Variants in MYH8 observed in about 807,000 individuals in gnomAD.
MYH8 encodes the protein myosin-8.
MYH8 carries 168 observed loss-of-function variants against 233.2 expected under a neutral mutation model. The observed-to-expected ratio is 0.72, with a 90% confidence interval of 0.64 to 0.82. The LOEUF (loss-of-function observed/expected upper bound fraction) is 0.82, where lower values mean the gene tolerates loss of function less well. Among genes scored for constraint, MYH8 ranks in the 40% least tolerant of loss-of-function variants. The probability of loss-of-function intolerance (pLI) is 0.00; values close to 1 mark genes in which losing one functional copy is unlikely to be tolerated. For synonymous variants in MYH8, 785 were observed against 850.6 expected (o/e 0.92, Z 1.34); for missense variants, 1,995 against 2,327.8 (o/e 0.86, Z 2.94).
intron 22 of MYH8, among the ~76,000 whole-genome samples, chr17:10,402,630 C>G (rs529592638): frequency 6.7e-6 from 1 of 149,598 alleles, no homozygotes; most frequent in Non-Finnish European, 1.5e-5. Context: ...CACATGTGCA[C>G]GCACACACAC....
Position 10,393,096 on chromosome 17 carries a change from C to A in MYH8, c.5281G>T (p.Ala1761Ser). 2 of 1,614,196 alleles carry A rather than the reference C, an allele frequency of 1.2e-6. No homozygotes were observed. The highest frequency in any genetic ancestry group is 8.5e-7 in the Non-Finnish European group (1 of 1,180,050). ...AATGTTCATCTTACATCAGTGATGG[C>A]CTTCTTGGCTTTCTCTTCTGCATTG... Reference protein sequence around the residue: ...SRNAEEKAKKAITDAAMMAEE... With the variant: ...SRNAEEKAKKSITDAAMMAEE... The change falls in exon 36 of 40, where the codon GCC becomes TCC. Residue 1761 changes from alanine to serine, a missense_variant. Coordinates refer to ENST00000403437, the MANE Select transcript of MYH8 (RefSeq NM_002472.3).
intron 12 of MYH8, among the ~76,000 whole-genome samples, chr17:10,413,136 A>T (rs1002407177): frequency 6.6e-6 from 1 of 152,214 alleles, no homozygotes; most frequent in Non-Finnish European, 1.5e-5. Flanking sequence ...CTCCCTATTA[A>T]ACCTTGCTGG....
At chr17:10,399,091 A>G (rs887820802) in intron 28 of MYH8, among the ~76,000 whole-genome samples, 1 of 151,252 alleles carries the variant, frequency 6.6e-6, no homozygotes, top group Non-Finnish European at 1.5e-5. Context: ...GTTTGATTTT[A>G]GAATATTTGC....
At chr17:10,393,380 C>T (rs895781250) in intron 35 of MYH8, among the ~76,000 whole-genome samples, 170 bp from the exon 36 acceptor site, 14 of 152,184 alleles carry the variant, frequency 9.2e-5, no homozygotes, top group Non-Finnish European at 2.1e-4. Context: ...GAACTCCTTT[C>T]CCCCAACTTC....
intron 39 of MYH8, 75 bp downstream of exon 39, chr17:10,391,807 T>C (rs1013835271): frequency 1.0e-5 from 11 of 1,079,584 alleles, no homozygotes; most frequent in Non-Finnish European, 1.4e-5. Context: ...TTCTTCCTTA[T>C]TGACGCATTC....
chr17:10,398,819 T>A lies in MYH8; in HGVS notation c.3930A>T (p.Ala1310=). The part of the protein sequence containing the change: ...LVSQLSRSKQ[A]STQQIEELKH... ...TCAGCTCTTCAATCTGCTGAGTAGA[T>A]GCTTGCTTGCTCCTTGAAAGCTGAG... Residue 1310 remains alanine, a synonymous_variant, in exon 29 of 40, where the codon GCA becomes GCT. Transcript: ENST00000403437. 1 of 1,614,036 alleles carries A rather than the reference T, an allele frequency of 6.2e-7. No homozygotes were observed. The highest frequency in any genetic ancestry group is 8.5e-7 in the Non-Finnish European group (1 of 1,180,026).
intron 17 of MYH8, among the ~76,000 whole-genome samples, chr17:10,407,327 C>CT (rs1339506273): frequency 6.6e-6 from 1 of 152,180 alleles, no homozygotes; most frequent in East Asian, 1.9e-4. Flanking sequence ...AACTGCCTGA[C>CT]TGTATAAAAT....
chr17:10,410,675 A>G, intron 15 of MYH8, 102 bp downstream of exon 15: 3 of 1,569,020 alleles, frequency 1.9e-6, no homozygotes, highest in South Asian at 1.1e-5. Flanking sequence ...CAGTTTGTTC[A>G]GATCACAAAC....
At chr17:10,413,674 T>G (rs961976884) in intron 12 of MYH8, among the ~76,000 whole-genome samples, 4 of 152,158 alleles carry the variant, frequency 2.6e-5, no homozygotes, top group African/African-American at 7.2e-5. Flanking sequence ...AGTTTGTGCT[T>G]ATAAGTGGCT....
In MYH8 at chr17:10,396,779, T is replaced by A. The variant is rs2072082756; in HGVS notation, c.4362+24A>T. On this transcript the variant is annotated intron_variant, in intron 31 of 39. Coordinates refer to ENST00000403437, the MANE Select transcript of MYH8 (RefSeq NM_002472.3). This position sits in a 1 kb window ranked among gnomAD's most constrained non-coding sequence, Gnocchi z 4.2. ...AAAGGAAGACCGAGTAAAACACTCT[T>A]AAAGTTTAAGCAGTCTGGGCCACCT... 6.2e-7 allele frequency: 1 copy of A among 1,614,110 alleles called. No homozygotes were observed. The highest frequency in any genetic ancestry group is 8.5e-7 in the Non-Finnish European group (1 of 1,180,040).
chr17:10,418,540 T>G (rs931395476), intron 5 of MYH8, 105 bp downstream of exon 5: 1 of 1,597,784 alleles, frequency 6.3e-7, no homozygotes, highest in Non-Finnish European at 8.6e-7. Context: ...AAGCCCCATG[T>G]GGCTAGAATG....
At chr17:10,413,802 C>T in intron 12 of MYH8, 100 bp downstream of exon 12, 1 of 1,566,662 alleles carries the variant, frequency 6.4e-7, no homozygotes, top group Non-Finnish European at 8.8e-7. Context: ...ATGCCCTTCA[C>T]AAGTCGCAAG....
chr17:10,420,160 T>G lies in MYH8; in HGVS notation c.68A>C (p.Glu23Ala), dbSNP rs1230813182. ...GTTTTGGGCCTCAATCCGCTCCTTT[T>G]CTGATTTTCGAAGGTAGGGAGCAGC... ...GEAAPYLRKS[E>A]KERIEAQNKP... The change falls in exon 3 of 40, where the codon GAA becomes GCA. Residue 23 changes from glutamate (E) to alanine (A), a missense_variant. Physicochemically the swap from Glu to Ala is moderately radical, Grantham distance 107 (BLOSUM62 -1). Transcript: ENST00000403437. 6.2e-7 allele frequency: 1 copy of G among 1,614,036 alleles called. No individual in the cohort carries two copies. Among genetic ancestry groups the G allele is most frequent in the Non-Finnish European group, 8.5e-7 (1 of 1,180,048 alleles).
At position 10,393,991 on chromosome 17, in the gene MYH8, C is replaced by CTTTTTT. The variant is rs35512526; in HGVS notation, c.5166+252_5166+257dup. On this transcript the variant is annotated intron_variant, in intron 35 of 39. Transcript: ENST00000403437. ...TTATTTTTAAATAAAAAAGTAATAG[C>CTTTTTT]TTTTTTTTTTTTTTTTTTTTTTTTT... is the stretch of plus-strand genomic sequence containing the variant. Among the ~76,000 whole-genome samples the CTTTTTT allele has an allele frequency of 6.0e-3, 215 of 36,008 alleles. 35 individuals carry two copies. Among genetic ancestry groups the CTTTTTT allele is most frequent in the African/African-American group, 0.019 (153 of 8,020 alleles). The allele number at this position is 36,008 out of a possible 152,430, so 23.6% of individuals were successfully genotyped here.
chr17:10,420,380 C>A (rs1310490618), intron 2 of MYH8, 123 bp from the exon 3 acceptor site: 2 of 869,580 alleles, frequency 2.3e-6, no homozygotes, highest in African/African-American at 1.7e-5. Flanking sequence ...CAAACTGGCA[C>A]TCCCCAGTGT....
At position 10,417,011 on chromosome 17, in the gene MYH8, G is replaced by A. The variant is rs1485439822; in HGVS notation, c.512-1303C>T. 5.9e-5 allele frequency among the ~76,000 whole-genome samples: 9 copies of A among 152,152 alleles called. No individual in the cohort carries two copies. The highest frequency in any genetic ancestry group is 1.3e-4 in the Non-Finnish European group (9 of 68,020). ...TAATATTAAGTACATAGCTAGTTAAGGTCAAATATATCCTCCTGGCCTCTT... is the reference window on the plus strand; with the variant it reads ...TAATATTAAGTACATAGCTAGTTAAAGTCAAATATATCCTCCTGGCCTCTT... On this transcript the variant is annotated intron_variant, in intron 5 of 39. Coordinates refer to ENST00000403437, the MANE Select transcript of MYH8 (RefSeq NM_002472.3). This position sits in a 1 kb window ranked among gnomAD's most constrained non-coding sequence, Gnocchi z 4.1.
In MYH8 at chr17:10,419,279, A is replaced by G. The variant is rs1266420873; in HGVS notation, c.211-249T>C. On this transcript the variant is annotated intron_variant, in intron 3 of 39. Transcript: ENST00000403437. This position sits in a 1 kb window ranked among gnomAD's most constrained non-coding sequence, Gnocchi z 4.0. The stretch of plus-strand genomic sequence containing the variant: ...CGCCATGTTGGCCAGGCTGGTCTCG[A>G]ACTCCTGATCTCAGGTGATCCACCT... Among the ~76,000 whole-genome samples, 1 of 152,092 alleles carries G rather than the reference A, an allele frequency of 6.6e-6. No homozygotes were observed. The highest frequency in any genetic ancestry group is 1.5e-5 in the Non-Finnish European group (1 of 68,018).
At chr17:10,411,756 G>A (rs911743946) in intron 14 of MYH8, among the ~76,000 whole-genome samples, 1 of 152,138 alleles carries the variant, frequency 6.6e-6, no homozygotes, top group African/African-American at 2.4e-5. Context: ...ATTTATATCA[G>A]ACATTTAGCA....
In MYH8 at chr17:10,410,918, G is replaced by A. The variant is rs184791206; in HGVS notation, c.1446C>T (p.Asn482=). The part of the protein sequence containing the change: ...DFNSLEQLCI[N]FTNEKLQQFF... ...ACTGTTGCAGTTTCTCGTTGGTGAA[G>A]TTGATGCACAGCTGCTCCAGGCTGT... Residue 482 remains asparagine (N), a synonymous_variant, in exon 15 of 40, where the codon AAC becomes AAT. Transcript: ENST00000403437. 6.2e-7 allele frequency: 1 copy of A among 1,614,086 alleles called. No individual in the cohort carries two copies. Among genetic ancestry groups the A allele is most frequent in the African/African-American group, 1.3e-5 (1 of 75,020 alleles).
Sources: allele counts gnomAD v4.1 joint callset (sites outside exome capture counted in the v4.1 genomes callset), GRCh38; gene constraint gnomAD v4.1.1; non-coding constraint Gnocchi (gnomAD v3.1); transcripts MANE v1.5; gene names NCBI Gene and HGNC (gene_info 2026-07-23, HGNC 2026-07-21).